The following LRRC37A2 variants were observed in gnomAD, a reference collection of about 807,000 sequenced individuals.
The protein encoded by LRRC37A2 is leucine rich repeat containing 37 member A2.
A neutral mutation model predicts 68.8 loss-of-function variants in LRRC37A2; 9 were observed. The observed-to-expected ratio is 0.13, with a 90% CI of 0.08 to 0.23. The LOEUF is 0.23. LRRC37A2 is among the 10% of genes least tolerant of loss of function. The pLI, the probability that LRRC37A2 is intolerant of heterozygous loss-of-function variation, is 1.00. For missense variants in LRRC37A2, 168 were observed against 950.4 expected (o/e 0.18, Z 10.82); for synonymous variants, 63 against 367.6 (o/e 0.17, Z 9.48).
the LRRC37A2 span, among the ~76,000 whole-genome samples, chr17:46,711,307 TAGTG>T: frequency 6.6e-6 from 1 of 152,204 alleles, no homozygotes; most frequent in African/African-American, 2.4e-5. Flanking sequence ...GGTAGAATGT[TAGTG>T]AGGAAAGATA....
chr17:46,958,876 C>T, the LRRC37A2 span, among the ~76,000 whole-genome samples: 1 of 152,200 alleles, frequency 6.6e-6, no homozygotes, highest in African/African-American at 2.4e-5. Context: ...GCTGTGTGGC[C>T]CCTCAGTTTC....
chr17:46,788,373 G>A, the LRRC37A2 span, among the ~76,000 whole-genome samples: 4 of 152,074 alleles, frequency 2.6e-5, no homozygotes, highest in African/African-American at 4.8e-5. Flanking sequence ...TTAGGCTGCC[G>A]TTCTGAGCAG....
chr17:46,915,775 T>A, the LRRC37A2 span, among the ~76,000 whole-genome samples: 1 of 152,272 alleles, frequency 6.6e-6, no homozygotes, highest in African/African-American at 2.4e-5. Context: ...TCAGGGCTCA[T>A]GCCTATGGGG....
chr17:46,936,816 A>G, the LRRC37A2 span: 1 of 984,862 alleles, frequency 1.0e-6, no homozygotes, highest in Non-Finnish European at 1.2e-6. Context: ...CTGATCTCTG[A>G]TGGCAATGAA....
At chr17:46,995,009 G>C in the LRRC37A2 span, among the ~76,000 whole-genome samples, 2 of 152,176 alleles carry the variant, frequency 1.3e-5, no homozygotes, top group Admixed American at 6.5e-5. Flanking sequence ...TGTAGTCCCA[G>C]CTACTGGGGA....
chr17:46,945,493 C>T, the LRRC37A2 span, among the ~76,000 whole-genome samples: 5 of 152,188 alleles, frequency 3.3e-5, no homozygotes, highest in Admixed American at 6.5e-5. Context: ...TGTTTATTAG[C>T]AGCCTAACCT....
chr17:46,802,116 G>A, the LRRC37A2 span, among the ~76,000 whole-genome samples: 1 of 152,108 alleles, frequency 6.6e-6, no homozygotes, highest in Non-Finnish European at 1.5e-5. Flanking sequence ...GTTTCCCAGC[G>A]TACAACTCCT....
the LRRC37A2 span, chr17:47,019,555 C>G: frequency 6.7e-7 from 1 of 1,487,232 alleles, no homozygotes; most frequent in Non-Finnish European, 9.4e-7. Flanking sequence ...CGAAAACTGA[C>G]TGAAGTCACA....
the LRRC37A2 span, among the ~76,000 whole-genome samples, chr17:46,854,743 C>T: frequency 7.2e-5 from 11 of 152,044 alleles, no homozygotes; most frequent in African/African-American, 1.9e-4. Flanking sequence ...TCACTGCAAC[C>T]GCCACCTCCT....
At chr17:46,755,670 A>G in the LRRC37A2 span, 1 of 1,002,692 alleles carries the variant, frequency 1.0e-6, no homozygotes. Flanking sequence ...TGCTCATCTA[A>G]TAGCAAATGC....
the LRRC37A2 span, among the ~76,000 whole-genome samples, chr17:46,780,230 C>T: frequency 2.6e-5 from 4 of 152,326 alleles, no homozygotes; most frequent in South Asian, 2.1e-4. Context: ...CACCCAGTGA[C>T]GGCCAATCCC....
At chr17:46,973,980 A>T in the LRRC37A2 span, among the ~76,000 whole-genome samples, 2 of 151,260 alleles carry the variant, frequency 1.3e-5, no homozygotes, top group African/African-American at 4.9e-5. Flanking sequence ...GGGGAGGGCG[A>T]CCCCCAGCAG....
chr17:46,827,680 C>T, the LRRC37A2 span, among the ~76,000 whole-genome samples: 77 of 152,316 alleles, frequency 5.1e-4, no homozygotes, highest in Middle Eastern at 3.4e-3. Flanking sequence ...CCTCACCCAT[C>T]ATGTCTAGTG....
chr17:46,681,562 C>CAA, the LRRC37A2 span, among the ~76,000 whole-genome samples: 9 of 148,350 alleles, frequency 6.1e-5, no homozygotes, highest in East Asian at 4.0e-4. Flanking sequence ...ATCTCGTCTT[C>CAA]AAAAAAAAAA....
the LRRC37A2 span, chr17:46,874,894 A>G: frequency 1.3e-6 from 1 of 763,572 alleles, no homozygotes; most frequent in South Asian, 1.6e-5. Flanking sequence ...TTCCATTTAA[A>G]TGGCAACTTG....
At chr17:46,716,083 C>T in the LRRC37A2 span, among the ~76,000 whole-genome samples, 1 of 152,124 alleles carries the variant, frequency 6.6e-6, no homozygotes, top group Non-Finnish European at 1.5e-5. Flanking sequence ...AGAAATATTA[C>T]AAAATATTTC....
the LRRC37A2 span, among the ~76,000 whole-genome samples, chr17:47,022,322 C>A: frequency 6.8e-6 from 1 of 147,046 alleles, no homozygotes; most frequent in Non-Finnish European, 1.5e-5. Flanking sequence ...AGGTGCATGC[C>A]ACCACACCCA....
chr17:46,610,137 C>T, the LRRC37A2 span, among the ~76,000 whole-genome samples: 4 of 85,738 alleles, frequency 4.7e-5, no homozygotes, highest in African/African-American at 9.3e-5. Context: ...TCCTTTCTTC[C>T]TTTCTTTTTG....
At chr17:46,978,981 G>T in the LRRC37A2 span, 2 of 1,445,638 alleles carry the variant, frequency 1.4e-6, no homozygotes, top group South Asian at 1.4e-5. Flanking sequence ...CCTCCAAGCC[G>T]CTGTGGTTCA....
Sources: gnomAD v4.1 joint callset for allele counts (sites outside exome capture counted in the v4.1 genomes callset) on GRCh38, gnomAD v4.1.1 for gene constraint, MANE v1.5 for transcripts, NCBI Gene and HGNC (gene_info 2026-07-23, HGNC 2026-07-21) for gene names.